SEC24C: variants seen among roughly 807,000 people sequenced by gnomAD.
The protein encoded by SEC24C is protein transport protein Sec24C.
In SEC24C, 22 loss-of-function variants were observed where a neutral mutation model predicts 117.0. The observed-to-expected ratio is 0.19, with a 90% CI of 0.13 to 0.27. The LOEUF (loss-of-function observed/expected upper bound fraction) is 0.27. SEC24C is among the 10% of genes least tolerant of loss of function. The pLI is 1.00. For missense variants in SEC24C, 1,155 were observed against 1,375.1 expected (o/e 0.84, Z 2.53); for synonymous variants, 506 against 529.4 (o/e 0.96, Z 0.61).
At chr10:73,755,099 C>T (rs948534848) in intron 3 of SEC24C, among the ~76,000 whole-genome samples, 1 of 151,714 alleles carries the variant, frequency 6.6e-6, no homozygotes, top group South Asian at 2.1e-4. Context: ...CACCGCTGCA[C>T]TCCAACCTGA....
At chr10:73,770,187 G>A in intron 20 of SEC24C, 93 bp from the exon 21 acceptor site, 1 of 1,346,882 alleles carries the variant, frequency 7.4e-7, no homozygotes, top group Non-Finnish European at 1.0e-6. Flanking sequence ...GGTGGTGTCT[G>A]AGGACTTAGC....
chr10:73,770,196 G>T, intron 20 of SEC24C, 84 bp from the exon 21 acceptor site: 1 of 1,401,368 alleles, frequency 7.1e-7, no homozygotes, highest in Non-Finnish European at 9.8e-7. Context: ...TGAGGACTTA[G>T]CTTTCAAAAT....
At chr10:73,755,271 C>G (rs2082693856) in intron 3 of SEC24C, among the ~76,000 whole-genome samples, 1 of 152,124 alleles carries the variant, frequency 6.6e-6, no homozygotes, top group Non-Finnish European at 1.5e-5. Context: ...GTGTCAGATG[C>G]TGCCAAATTG....
intron 6 of SEC24C, chr10:73,762,111 T>C (rs1416516528): frequency 2.3e-6 from 3 of 1,289,760 alleles, no homozygotes; most frequent in Non-Finnish European, 3.0e-6. Context: ...CTCAGTGAGC[T>C]GCCTCCTCAG....
chr10:73,756,603 TA>T (rs1468412413), intron 3 of SEC24C, among the ~76,000 whole-genome samples: 16 of 151,738 alleles, frequency 1.1e-4, no homozygotes, highest in South Asian at 4.2e-4. Flanking sequence ...ATCTCAGTAA[TA>T]TTTTTTTTTT....
chr10:73,766,622 T>A, intron 12 of SEC24C, 81 bp downstream of exon 12: 1 of 1,491,106 alleles, frequency 6.7e-7, no homozygotes, highest in East Asian at 2.3e-5. Context: ...ACAGAGGTAT[T>A]GGACAGTAGA....
Position 73,769,281 on chromosome 10 carries a change from T to C in SEC24C, c.2425-66T>C. On this transcript the variant is annotated intron_variant, in intron 17 of 22. Coordinates refer to ENST00000345254, the MANE Select transcript of SEC24C (RefSeq NM_198597.3). This position sits in a 1 kb window ranked among gnomAD's most constrained non-coding sequence, Gnocchi z 4.5. ...GAGTGGCTCATTTCTCTCTTCCAGT[T>C]TAATAGTGTAGCAAAGGGCCTTTGT... The C allele has an allele frequency of 6.3e-7, 1 of 1,599,950 alleles. No individual in the cohort carries two copies. The highest frequency in any genetic ancestry group is 8.5e-7 in the Non-Finnish European group (1 of 1,172,858).
At chr10:73,759,909 G>A (rs2082769965) in intron 4 of SEC24C, 109 bp from the exon 5 acceptor site, 2 of 1,490,696 alleles carry the variant, frequency 1.3e-6, no homozygotes, top group African/African-American at 2.8e-5. Context: ...CTGAGCCTCA[G>A]AAGATGGGAC....
chr10:73,764,528 A>C (rs1209242056), intron 8 of SEC24C, among the ~76,000 whole-genome samples: 1 of 151,948 alleles, frequency 6.6e-6, no homozygotes, highest in African/African-American at 2.4e-5. Flanking sequence ...TGTCTCAAAA[A>C]AAAAAAAAAA....
intron 6 of SEC24C, chr10:73,762,043 CTT>C (rs971004474): frequency 3.3e-6 from 4 of 1,201,742 alleles, no homozygotes; most frequent in African/African-American, 3.1e-5. Context: ...GCCTCTTGTT[CTT>C]TTGTCTCCCT....
chr10:73,762,167 G>A, intron 6 of SEC24C: 1 of 1,289,790 alleles, frequency 7.8e-7, no homozygotes, highest in African/African-American at 1.5e-5. Context: ...TCCTAGTCCA[G>A]TAAGTGCAGG....
Position 73,759,768 on chromosome 10 carries a change from C to A in SEC24C, c.455C>A (p.Ala152Asp). 1 of 1,597,642 alleles carries A rather than the reference C, an allele frequency of 6.3e-7. No homozygotes were observed. Among genetic ancestry groups the A allele is most frequent in the Non-Finnish European group, 8.5e-7 (1 of 1,174,368 alleles). Residue 152 changes from alanine to aspartate, a missense_variant, in exon 4 of 23, where the codon GCC becomes GAC. Physicochemically the swap from Ala to Asp is moderately radical, Grantham distance 126. Transcript: ENST00000345254. ...CAGATCAGCGGTGCTGTGGCCCCAGCCCCTCCTTCTTCAGGGCTGGGCTTT... is the reference window on the plus strand; with the variant it reads ...CAGATCAGCGGTGCTGTGGCCCCAGACCCTCCTTCTTCAGGGCTGGGCTTT... Reference protein sequence around the residue: ...GMQISGAVAPAPPSSGLGFGP... With the variant: ...GMQISGAVAPDPPSSGLGFGP...
At chr10:73,765,751 T>C (rs759899094) in intron 9 of SEC24C, 49 bp from the exon 10 acceptor site, 2 of 1,584,196 alleles carry the variant, frequency 1.3e-6, no homozygotes, top group South Asian at 2.2e-5. Flanking sequence ...GCCAGAATAC[T>C]AAGATTGAAA....
At chr10:73,747,859 A>T (rs2082581563) in intron 2 of SEC24C, among the ~76,000 whole-genome samples, 1 of 151,708 alleles carries the variant, frequency 6.6e-6, no homozygotes, top group African/African-American at 2.4e-5. Flanking sequence ...GGGTTTCTCC[A>T]TGTTGGTCAG....
At chr10:73,768,638 C>T (rs1214521916) in intron 15 of SEC24C, among the ~76,000 whole-genome samples, 172 bp from the exon 16 acceptor site, 3 of 152,146 alleles carry the variant, frequency 2.0e-5, no homozygotes, top group Non-Finnish European at 4.4e-5. Flanking sequence ...TGTGTGGTAC[C>T]TGGCATGCAG....
At position 73,758,851 on chromosome 10, in the gene SEC24C, T is replaced by G. The variant is rs559739372; in HGVS notation, c.309-771T>G. 2.1e-3 allele frequency among the ~76,000 whole-genome samples: 320 copies of G among 150,562 alleles called. 1 individual carries two copies. The highest frequency in any genetic ancestry group is 3.5e-3 in the Non-Finnish European group (237 of 67,514). On this transcript the variant is annotated intron_variant, in intron 3 of 22. Coordinates refer to ENST00000345254, the MANE Select transcript of SEC24C (RefSeq NM_198597.3). ...GGGATGTTTCCACTATAGTTGGTTTTTGTGTGTGTGTGTGTGTGTGTGAGA... is the reference window on the plus strand; with the variant it reads ...GGGATGTTTCCACTATAGTTGGTTTGTGTGTGTGTGTGTGTGTGTGTGAGA...
chr10:73,758,502 T>C (rs1323626733), intron 3 of SEC24C, among the ~76,000 whole-genome samples: 1 of 152,216 alleles, frequency 6.6e-6, no homozygotes. Context: ...TTTTAGAACA[T>C]TTTCATCATC....
intron 8 of SEC24C, among the ~76,000 whole-genome samples, chr10:73,764,864 C>T (rs1186338940): frequency 6.6e-6 from 1 of 152,200 alleles, no homozygotes; most frequent in African/African-American, 2.4e-5. Context: ...TTCTCTGTTA[C>T]TAGAAGCCAA....
Position 73,771,183 on chromosome 10 carries a change from T to C in SEC24C, c.*88T>C. 7 of 1,477,764 alleles carry C rather than the reference T, an allele frequency of 4.7e-6. No homozygotes were observed. In the Admixed American group the frequency reaches 5.9e-5, roughly 12 times the overall value. 91.5% of individuals were successfully genotyped at this position (1,477,764 alleles called of 1,614,324 possible). On this transcript the variant is annotated 3_prime_UTR_variant, in exon 23 of 23. Coordinates refer to ENST00000345254, the MANE Select transcript of SEC24C (RefSeq NM_198597.3). The stretch of plus-strand genomic sequence containing the variant: ...GAAATTGGGACAGTAACATATCTTA[T>C]GTAAGCTGACCTCAGTCTCTCTGGG...
Sources: allele counts gnomAD v4.1 joint callset (sites outside exome capture counted in the v4.1 genomes callset), GRCh38; gene constraint gnomAD v4.1.1; non-coding constraint Gnocchi (gnomAD v3.1); transcripts MANE v1.5; gene names NCBI Gene and HGNC (gene_info 2026-07-23, HGNC 2026-07-21).